The following AGT variants were observed in gnomAD, a reference collection of about 807,000 sequenced individuals.
AGT encodes angiotensinogen.
A neutral mutation model predicts 28.1 loss-of-function variants in AGT; 26 were observed. The ratio of observed to expected loss-of-function variants is 0.92; its 90% CI spans 0.68 to 1.28. The LOEUF (loss-of-function observed/expected upper bound fraction) is 1.28. Among genes scored for constraint, AGT ranks in the 50% most tolerant of loss-of-function variants. The pLI is 0.00. For missense variants in AGT, 596 were observed against 592.3 expected (o/e 1.01, Z -0.06); for synonymous variants, 259 against 259.6 (o/e 1.00, Z 0.02).
In AGT at chr1:230,703,117, G is replaced by C. The variant is rs1253763128; in HGVS notation, c.*24C>G. 1 of 1,611,580 alleles carries C rather than the reference G, an allele frequency of 6.2e-7. No homozygotes were observed. Among genetic ancestry groups the C allele is most frequent in the East Asian group, 2.2e-5 (1 of 44,828 alleles). Reference sequence around the variant, plus strand: ...AGGCCAGGGGCAGAGGCCTTGCCAGGCACTGTGTTCTGGGGCCCTGGCCTC... The same window carrying C: ...AGGCCAGGGGCAGAGGCCTTGCCAGCCACTGTGTTCTGGGGCCCTGGCCTC... On this transcript the variant is annotated 3_prime_UTR_variant, in exon 5 of 5. Coordinates refer to ENST00000366667, the MANE Select transcript of AGT (RefSeq NM_001384479.1).
chr1:230,718,392 C>T (rs144748386), upstream of AGT, among the ~76,000 whole-genome samples: 26 of 152,236 alleles, frequency 1.7e-4, no homozygotes, highest in African/African-American at 5.8e-4. Flanking sequence ...GTGGCAAGGA[C>T]ACGTAAAGTC....
chr1:230,722,197 C>A lies in AGT; in HGVS notation c.-30-11344G>T, dbSNP rs533927107. On this transcript the variant is annotated intron_variant, in intron 1 of 4. Transcript: ENST00000681269. Reference sequence around the variant, plus strand: ...TGCTTCAGAGGGTGCAAGCCCCAAGCCTTGGCAGCTTCCACATGGTGTTGG... The same window carrying A: ...TGCTTCAGAGGGTGCAAGCCCCAAGACTTGGCAGCTTCCACATGGTGTTGG... 5.1e-4 allele frequency among the ~76,000 whole-genome samples: 77 copies of A among 152,384 alleles called. No individual in the cohort carries two copies. The South Asian group carries it at 0.015, about 30-fold the overall frequency.
intron 1 of AGT, among the ~76,000 whole-genome samples, chr1:230,737,564 A>C (rs1664178679): frequency 6.6e-6 from 1 of 152,102 alleles, no homozygotes; most frequent in African/African-American, 2.4e-5. Context: ...CACCTGCCTC[A>C]GCCTCCCAAA....
intron 1 of AGT, among the ~76,000 whole-genome samples, chr1:230,730,524 T>C (rs1339204926): frequency 2.6e-5 from 4 of 152,182 alleles, no homozygotes; most frequent in Admixed American, 2.0e-4. Flanking sequence ...CACGATACCA[T>C]CTTTAGGGGA....
chr1:230,730,087 A>G (rs1199993907), intron 1 of AGT, among the ~76,000 whole-genome samples: 4 of 151,606 alleles, frequency 2.6e-5, no homozygotes, highest in Non-Finnish European at 5.9e-5. Flanking sequence ...CGCCCGGCTA[A>G]TTTTTGTATT....
chr1:230,702,819 G>T lies in AGT; in HGVS notation c.*322C>A. 3.0e-6 allele frequency: 1 copy of T among 328,576 alleles called. No individual in the cohort carries two copies. The highest frequency in any genetic ancestry group is 5.6e-6 in the Non-Finnish European group (1 of 177,644). 20.4% of individuals were successfully genotyped at this position (328,576 alleles called of 1,614,324 possible). ...CACTTTTTTGTTTCACAAACAAGCT[G>T]GTCGGTTGGAATTCTTTTTGGAACA... On this transcript the variant is annotated 3_prime_UTR_variant, in exon 5 of 5. Coordinates refer to ENST00000366667, the MANE Select transcript of AGT (RefSeq NM_001384479.1).
Position 230,704,284 on chromosome 1 carries a change from T to C in AGT, c.1151A>G (p.Gln384Arg). The change falls in exon 4 of 5, where the codon CAG becomes CGG. Residue 384 changes from glutamine to arginine, a missense_variant. Gln to Arg is a conservative substitution (Grantham distance 43). Coordinates refer to ENST00000366667, the MANE Select transcript of AGT (RefSeq NM_001384479.1). ...CAGCTCAGCCTGGGCGAGCAGGTCC[T>C]GCAGGTCATAAGATCCTTGCAGCAC... ...QLVLQGSYDL[Q>R]DLLAQAELPA... 1 of 1,614,250 alleles carries C rather than the reference T, an allele frequency of 6.2e-7. No homozygotes were observed.
At chr1:230,723,605 A>G (rs940180838) in intron 1 of AGT, among the ~76,000 whole-genome samples, 1 of 152,188 alleles carries the variant, frequency 6.6e-6, no homozygotes, top group African/African-American at 2.4e-5. Flanking sequence ...CTAAGCCATG[A>G]CTGAATACCA....
intron 1 of AGT, among the ~76,000 whole-genome samples, chr1:230,735,613 C>T (rs1246199492): frequency 6.6e-6 from 1 of 152,026 alleles, no homozygotes; most frequent in Non-Finnish European, 1.5e-5. Flanking sequence ...CCTCGGAGTG[C>T]ACTTGTCACC....
intron 1 of AGT, among the ~76,000 whole-genome samples, chr1:230,721,775 G>A (rs1663847547): frequency 2.0e-5 from 3 of 152,182 alleles, no homozygotes; most frequent in Non-Finnish European, 4.4e-5. Flanking sequence ...TAGGATCTGG[G>A]GAACTTTGAA....
intron 1 of AGT, among the ~76,000 whole-genome samples, chr1:230,736,641 T>C (rs1664162692): frequency 6.6e-6 from 1 of 152,198 alleles, no homozygotes; most frequent in Non-Finnish European, 1.5e-5. Context: ...ACTCTGGGTG[T>C]TCAGGATTTC....
intron 2 of AGT, among the ~76,000 whole-genome samples, chr1:230,709,763 T>C (rs964446967): frequency 3.3e-5 from 5 of 152,136 alleles, no homozygotes; most frequent in African/African-American, 9.7e-5. Context: ...GATTAAATGA[T>C]GTAAGAAAAA....
chr1:230,737,513 T>C (rs183562978), intron 1 of AGT, among the ~76,000 whole-genome samples: 1,701 of 152,114 alleles, frequency 0.011, 15 homozygotes, highest in Non-Finnish European at 0.017. Context: ...GGTTTTACCA[T>C]GTTGGCCAGG....
At chr1:230,726,944 G>A (rs762048599) in intron 1 of AGT, among the ~76,000 whole-genome samples, 9 of 152,150 alleles carry the variant, frequency 5.9e-5, no homozygotes, top group African/African-American at 1.9e-4. Context: ...GCTGAGTGAC[G>A]AATAAAGAAT....
intron 1 of AGT, among the ~76,000 whole-genome samples, chr1:230,733,612 T>A (rs1052292236): frequency 6.6e-6 from 1 of 152,162 alleles, no homozygotes; most frequent in South Asian, 2.1e-4. Context: ...GCTTATTGTG[T>A]GAAAACAGAA....
At chr1:230,720,828 G>T (rs1211385647) in intron 1 of AGT, among the ~76,000 whole-genome samples, 1 of 152,136 alleles carries the variant, frequency 6.6e-6, no homozygotes, top group African/African-American at 2.4e-5. Flanking sequence ...CCCACCTTCT[G>T]GTAGGGAGAC....
chr1:230,731,403 C>T (rs1294721527), intron 1 of AGT, among the ~76,000 whole-genome samples: 1 of 152,194 alleles, frequency 6.6e-6, no homozygotes, highest in Non-Finnish European at 1.5e-5. Flanking sequence ...GATTTCCTCC[C>T]AGAGGAAAAC....
chr1:230,742,262 C>A (rs533004465), intron 1 of AGT, among the ~76,000 whole-genome samples: 2 of 152,070 alleles, frequency 1.3e-5, no homozygotes, highest in Non-Finnish European at 2.9e-5. Flanking sequence ...TTTTTGCCTT[C>A]TTTCTCCACA....
At chr1:230,721,314 G>GT (rs1277648095) in intron 1 of AGT, among the ~76,000 whole-genome samples, 1 of 152,206 alleles carries the variant, frequency 6.6e-6, no homozygotes, top group Non-Finnish European at 1.5e-5. Flanking sequence ...GGCAACAAGT[G>GT]TAAGGACCAA....
Sources: gnomAD v4.1 joint callset for allele counts (sites outside exome capture counted in the v4.1 genomes callset) on GRCh38, gnomAD v4.1.1 for gene constraint, MANE v1.5 for transcripts, NCBI Gene and HGNC (gene_info 2026-07-23, HGNC 2026-07-21) for gene names.